FAS: variants seen among roughly 807,000 people sequenced by gnomAD.
FAS encodes the protein Fas cell surface death receptor.
In FAS, 5 loss-of-function variants were observed where a neutral mutation model predicts 33.2. The observed-to-expected ratio is 0.15, with a 90% CI of 0.08 to 0.32. The LOEUF is 0.32. Ranked by LOEUF, FAS falls within the 10% of genes least tolerant of loss-of-function variation. The probability of loss-of-function intolerance (pLI) is 1.00; values close to 1 mark genes in which losing one functional copy is unlikely to be tolerated. For synonymous variants in FAS, 131 were observed against 130.7 expected, an observed-to-expected ratio of 1.00 and a Z score of -0.01; for missense variants, 339 against 386.0, an observed-to-expected ratio of 0.88 and a Z score of 1.02.
upstream of FAS, among the ~76,000 whole-genome samples, chr10:88,982,801 T>C (rs986343722): frequency 6.6e-6 from 1 of 152,222 alleles, no homozygotes; most frequent in Non-Finnish European, 1.5e-5. Flanking sequence ...ATGAGATTAC[T>C]GAATTTGTTG....
At chr10:88,968,399 A>G (rs990397983) in intron 1 of FAS, among the ~76,000 whole-genome samples, 1 of 37,650 alleles carries the variant, frequency 2.7e-5, no homozygotes, top group African/African-American at 7.0e-5. Flanking sequence ...TAAAACTCAT[A>G]ATGGAGCAAT....
upstream of FAS, among the ~76,000 whole-genome samples, chr10:88,988,289 C>T (rs1237199097): frequency 6.6e-6 from 1 of 152,048 alleles, no homozygotes; most frequent in Non-Finnish European, 1.5e-5. Flanking sequence ...TGGATATACA[C>T]TATAGCTGGG....
upstream of FAS, among the ~76,000 whole-genome samples, chr10:88,987,978 T>G (rs1028743940): frequency 6.6e-6 from 1 of 151,148 alleles, no homozygotes; most frequent in African/African-American, 2.4e-5. Context: ...TTCCACTGAG[T>G]GAGTGAGAAT....
At position 89,014,645 on chromosome 10, in the gene FAS, A is replaced by T; in HGVS notation, c.*195A>T. On this transcript the variant is annotated 3_prime_UTR_variant, in exon 9 of 9. Coordinates refer to ENST00000652046, the MANE Select transcript of FAS (RefSeq NM_000043.6). Reference sequence around the variant, plus strand: ...AAGGATGTTTAAAATCTAGTTGGGAAAACAAACTTCATCAAGAGTAAATGC... The same window carrying T: ...AAGGATGTTTAAAATCTAGTTGGGATAACAAACTTCATCAAGAGTAAATGC... The T allele has an allele frequency of 1.4e-6, 1 of 717,266 alleles. No individual in the cohort carries two copies. The allele number at this position is 717,266 out of a possible 1,614,324, so 44.4% of individuals were successfully genotyped here. A position where few individuals can be genotyped will look rare whatever the true frequency, so the allele number is the denominator to read the frequency against.
Position 89,010,525 on chromosome 10 carries a change from A to T in FAS, c.444-14A>T. ...TGCCAGGCTTTTGAATTTCTCCTGT[A>T]TTTTTTTTTCTAGATGTGAACATGG... On this transcript the variant is annotated splice_polypyrimidine_tract_variant and intron_variant, in intron 4 of 8. Transcript: ENST00000652046. 6.3e-7 allele frequency: 1 copy of T among 1,583,558 alleles called. No homozygotes were observed. The highest frequency in any genetic ancestry group is 8.7e-7 in the Non-Finnish European group (1 of 1,155,344).
Position 89,016,560 on chromosome 10 carries a change from T to C in FAS, c.*2110T>C, listed in dbSNP as rs994071747. ...AAGACAGTGGAGAAGTCTTTGTACT[T>C]GGTGATGTGGTTTTTTTCCTCATGG... On this transcript the variant is annotated 3_prime_UTR_variant, in exon 9 of 9. Coordinates refer to ENST00000652046, the MANE Select transcript of FAS (RefSeq NM_000043.6). 1 of 226,302 alleles carries C rather than the reference T, an allele frequency of 4.4e-6. No individual in the cohort carries two copies. Among genetic ancestry groups the C allele is most frequent in the Non-Finnish European group, 8.8e-6 (1 of 113,632 alleles). The allele number at this position is 226,302 out of a possible 1,614,324, so 14.0% of individuals were successfully genotyped here.
At chr10:89,005,900 A>G (rs915031842) in intron 2 of FAS, among the ~76,000 whole-genome samples, 8 of 152,158 alleles carry the variant, frequency 5.3e-5, no homozygotes, top group Admixed American at 1.3e-4. Flanking sequence ...TGGCCTCCCA[A>G]TCTGCTGGGA....
intron 1 of FAS, among the ~76,000 whole-genome samples, chr10:88,994,493 C>A (rs1365459778): frequency 6.6e-6 from 1 of 152,230 alleles, no homozygotes; most frequent in African/African-American, 2.4e-5. Context: ...GTGAACCCAT[C>A]CCTTTCTTAT....
At chr10:88,964,649 T>G (rs1323926725) in intron 1 of FAS, among the ~76,000 whole-genome samples, 2 of 152,102 alleles carry the variant, frequency 1.3e-5, no homozygotes, top group Non-Finnish European at 2.9e-5. Flanking sequence ...GCAGAGAGAT[T>G]TTTTGTATCT....
In FAS at chr10:89,014,174, A is replaced by G. The variant is rs753892501; in HGVS notation, c.732A>G (p.Gln244=). 1.9e-6 allele frequency: 3 copies of G among 1,613,834 alleles called. No individual in the cohort carries two copies. The highest frequency in any genetic ancestry group is 2.2e-5 in the East Asian group (1 of 44,868). Residue 244 remains glutamine (Q), a synonymous_variant, in exon 9 of 9, where the codon CAA becomes CAG. Transcript: ENST00000652046. Reference sequence around the variant, plus strand: ...TTGCTGGAGTCATGACACTAAGTCAAGTTAAAGGCTTTGTTCGAAAGAATG... The same window carrying G: ...TTGCTGGAGTCATGACACTAAGTCAGGTTAAAGGCTTTGTTCGAAAGAATG... ...TTIAGVMTLS[Q]VKGFVRKNGV... is the part of the protein sequence containing the mutation.
intron 1 of FAS, among the ~76,000 whole-genome samples, chr10:88,994,195 A>AG (rs2133413596): frequency 6.6e-6 from 1 of 152,318 alleles, no homozygotes; most frequent in East Asian, 1.9e-4. Flanking sequence ...ATCTCTTTGA[A>AG]GGCTACTACA....
intron 1 of FAS, among the ~76,000 whole-genome samples, chr10:89,001,206 G>A (rs1364709322): frequency 6.6e-6 from 1 of 151,174 alleles, no homozygotes; most frequent in Non-Finnish European, 1.5e-5. Context: ...ACTGTTCCAG[G>A]CATCTGTCTA....
chr10:88,965,703 C>T (rs960408063), intron 1 of FAS, among the ~76,000 whole-genome samples: 4 of 152,224 alleles, frequency 2.6e-5, no homozygotes, highest in African/African-American at 9.6e-5. Context: ...CTTTCCCCTG[C>T]GTTTCTGCAA....
At chr10:88,971,942 C>T (rs1280464132) in intron 1 of FAS, among the ~76,000 whole-genome samples, 1 of 150,686 alleles carries the variant, frequency 6.6e-6, no homozygotes, top group Admixed American at 6.6e-5. Context: ...TGGAGTCTTG[C>T]TCTGTCGCCA....
At chr10:88,988,443 T>TTA (rs1554846019), upstream of FAS, among the ~76,000 whole-genome samples, 3 of 142,368 alleles carry the variant, frequency 2.1e-5, no homozygotes, top group Non-Finnish European at 4.6e-5. Flanking sequence ...TTTTGTTTTT[T>TTA]ATCTTAACTC....
Position 88,999,152 on chromosome 10 carries a change from C to CAAAAA in FAS, c.31-3874_31-3870dup, listed in dbSNP as rs762435847. On this transcript the variant is annotated intron_variant, in intron 1 of 8. Transcript: ENST00000652046. The stretch of plus-strand genomic sequence containing the variant: ...CTGGCAACAGAGCGAGACTCCGTCT[C>CAAAAA]AAAAAAATAAATAAATAAATAAAAT... Among the ~76,000 whole-genome samples the CAAAAA allele has an allele frequency of 6.1e-3, 619 of 100,882 alleles. 6 individuals carry two copies. Among genetic ancestry groups the CAAAAA allele is most frequent in the East Asian group, 0.014 (45 of 3,284 alleles). The allele number at this position is 100,882 out of a possible 152,430, so 66.2% of individuals were successfully genotyped here.
At chr10:88,989,353 A>C, upstream of FAS, 1 of 222,326 alleles carries the variant, frequency 4.5e-6, no homozygotes. Context: ...ACATTTTTTT[A>C]TTTAAATGAA....
At chr10:88,984,078 A>C (rs1049465082), upstream of FAS, among the ~76,000 whole-genome samples, 2 of 152,234 alleles carry the variant, frequency 1.3e-5, no homozygotes, top group Non-Finnish European at 2.9e-5. Flanking sequence ...GGTTACTATC[A>C]TTCCTTTTTC....
intron 1 of FAS, among the ~76,000 whole-genome samples, chr10:88,973,014 T>C (rs1290680729): frequency 2.0e-5 from 3 of 152,340 alleles, no homozygotes; most frequent in Admixed American, 1.3e-4. Flanking sequence ...TAAAGCAAAA[T>C]TGAAACCATT....
Sources: allele counts gnomAD v4.1 joint callset (sites outside exome capture counted in the v4.1 genomes callset), GRCh38; gene constraint gnomAD v4.1.1; transcripts MANE v1.5; gene names NCBI Gene and HGNC (gene_info 2026-07-23, HGNC 2026-07-21).